Variants in FBN3 observed in about 807,000 individuals in gnomAD.
The protein encoded by FBN3 is fibrillin 3.
In FBN3, 234 loss-of-function variants were observed where a neutral mutation model predicts 330.1. The ratio of observed to expected loss-of-function variants is 0.71; its 90% confidence interval spans 0.64 to 0.79. FBN3 has a LOEUF of 0.79. Ranked by LOEUF, FBN3 falls within the 30% of genes least tolerant of loss-of-function variation. FBN3 has a pLI of 0.00. For missense variants in FBN3, 3,606 were observed against 3,886.9 expected, an observed-to-expected ratio of 0.93 and a Z score of 1.92; for synonymous variants, 1,458 against 1,517.3, an observed-to-expected ratio of 0.96 and a Z score of 0.91.
At chr19:8,095,842 GTTAT>G (rs1237272151) in intron 45 of FBN3, 118 bp downstream of exon 45, 1 of 648,820 alleles carries the variant, frequency 1.5e-6, no homozygotes, top group African/African-American at 1.8e-5. Flanking sequence ...TTAGGAGTAT[GTTAT>G]TTAATTTCTA....
intron 34 of FBN3, among the ~76,000 whole-genome samples, chr19:8,110,114 T>G (rs1051359954): frequency 6.6e-6 from 1 of 152,218 alleles, no homozygotes; most frequent in African/African-American, 2.4e-5. Flanking sequence ...GGAGTGCAGT[T>G]GCACAATCAC....
At position 8,086,462 on chromosome 19, in the gene FBN3, A is replaced by ATT. The variant is rs755200327; in HGVS notation, c.6755-139_6755-138dup. The stretch of plus-strand genomic sequence containing the variant: ...TTTATTTATTTTTATTATTATTATT[A>ATT]TTATTATTTTTTGAGACAGAGTCTC... On this transcript the variant is annotated intron_variant, in intron 54 of 63. Transcript: ENST00000600128. 6.3e-3 allele frequency: 1,751 copies of ATT among 279,304 alleles called. 28 individuals are homozygous for ATT. The highest frequency in any genetic ancestry group is 0.015 in the Middle Eastern group (11 of 736). The allele number at this position is 279,304 out of a possible 1,614,324, so 17.3% of individuals were successfully genotyped here.
chr19:8,147,465 GA>G lies in FBN3; in HGVS notation c.15del (p.Leu6CysfsTer109). 5 of 1,535,424 alleles carry G rather than the reference GA, an allele frequency of 3.3e-6. No homozygotes were observed. The highest frequency in any genetic ancestry group is 3.5e-6 in the Non-Finnish European group (4 of 1,143,270). On this transcript the variant is annotated frameshift_variant, in exon 2 of 64. Coordinates refer to ENST00000600128, the MANE Select transcript of FBN3 (RefSeq NM_032447.5). LOFTEE classifies it high-confidence loss of function. ...GCCAGGGGGCCCCTTGCCAAATACA[GA>G]CCCTCCAGAGTCATGGCGTGTCCCC... MTLE[G>X]LYLARGPLAR...
chr19:8,126,142 C>A, intron 21 of FBN3, 125 bp from the exon 22 acceptor site: 1 of 1,476,444 alleles, frequency 6.8e-7, no homozygotes, highest in Non-Finnish European at 9.3e-7. Context: ...GGACTGGGGA[C>A]TTTCAAGAAG....
chr19:8,083,264 G>C lies in FBN3; in HGVS notation c.7196C>G (p.Thr2399Ser). The C allele has an allele frequency of 6.2e-7, 1 of 1,614,132 alleles. No homozygotes were observed. The highest frequency in any genetic ancestry group is 1.1e-5 in the South Asian group (1 of 91,084). Residue 2399 changes from threonine to serine, a missense_variant, in exon 57 of 64, where the codon ACT becomes AGT. Transcript: ENST00000600128. Reference protein sequence around the residue: ...HCQAGYTPDATATTCLDMDEC... With the variant: ...HCQAGYTPDASATTCLDMDEC... ...GGGCTCACCCAGGCAGGTAGTAGCA[G>C]TAGCATCCGGTGTGTACCCGGCCTG...
intron 32 of FBN3, 69 bp downstream of exon 32, chr19:8,111,579 A>T: frequency 7.3e-7 from 1 of 1,361,030 alleles, no homozygotes; most frequent in African/African-American, 1.4e-5. Flanking sequence ...TGACCATGGC[A>T]GCCACCGTGA....
Position 8,129,462 on chromosome 19 carries a change from C to A in FBN3, c.2045-97G>T. On this transcript the variant is annotated intron_variant, in intron 16 of 63. Transcript: ENST00000600128. The surrounding 1 kb of genome is among the most constrained non-coding windows in gnomAD (Gnocchi z 4.5). The stretch of plus-strand genomic sequence containing the variant: ...CGGCGCACCAGGGGTCTCTAGAAGT[C>A]AGATTCCCCAAGGCCATAGCTCCAG... 6.6e-7 allele frequency: 1 copy of A among 1,509,032 alleles called. No individual in the cohort carries two copies. 93.5% of individuals were successfully genotyped at this position (1,509,032 alleles called of 1,614,324 possible).
intron 62 of FBN3, among the ~76,000 whole-genome samples, chr19:8,072,584 G>A (rs1373650237): frequency 2.0e-5 from 3 of 152,084 alleles, no homozygotes; most frequent in African/African-American, 7.2e-5. Flanking sequence ...GCCTGGGGAT[G>A]TGTGTATAGT....
At chr19:8,089,802 C>G in intron 50 of FBN3, 92 bp downstream of exon 50, 1 of 1,536,516 alleles carries the variant, frequency 6.5e-7, no homozygotes, top group South Asian at 1.2e-5. Context: ...CCCAGGCTCT[C>G]AGGGGGAGCC....
intron 25 of FBN3, among the ~76,000 whole-genome samples, chr19:8,119,469 T>A (rs1177267215): frequency 1.3e-5 from 2 of 152,178 alleles, no homozygotes; most frequent in African/African-American, 4.8e-5. Context: ...TGTTCTCCAG[T>A]GTCTTCACCC....
At position 8,100,891 on chromosome 19, in the gene FBN3, A is replaced by C; in HGVS notation, c.5161+10T>G. 1 of 1,612,220 alleles carries C rather than the reference A, an allele frequency of 6.2e-7. No homozygotes were observed. The highest frequency in any genetic ancestry group is 8.5e-7 in the Non-Finnish European group (1 of 1,178,612). The stretch of plus-strand genomic sequence containing the variant: ...GGTGCCCAGGGATAGAGCAGGGACC[A>C]CTCACTCACCAAGGGGCTTCCCCGT... On this transcript the variant is annotated intron_variant, in intron 41 of 63. Coordinates refer to ENST00000600128, the MANE Select transcript of FBN3 (RefSeq NM_032447.5).
intron 16 of FBN3, among the ~76,000 whole-genome samples, chr19:8,130,012 C>T (rs1352429603): frequency 2.6e-5 from 4 of 151,926 alleles, no homozygotes; most frequent in African/African-American, 9.7e-5. Flanking sequence ...ATTCTCATGA[C>T]TCAGCCCCCC....
At chr19:8,078,264 G>A (rs1171127457) in intron 59 of FBN3, among the ~76,000 whole-genome samples, 1 of 152,164 alleles carries the variant, frequency 6.6e-6, no homozygotes, top group Non-Finnish European at 1.5e-5. Flanking sequence ...TATCAATAAA[G>A]TTTATTGGGA....
intron 13 of FBN3, 25 bp downstream of exon 13, chr19:8,135,936 G>GGGGCCCCCC: frequency 3.0e-6 from 2 of 668,772 alleles, no homozygotes; most frequent in Non-Finnish European, 4.8e-6. Flanking sequence ...GGAAGCCCCT[G>GGGGCCCCCC]CCCACCCGCC....
rs2145076921 is a variant in FBN3, at chr19:8,147,374, G to T, written c.107C>A (p.Ala36Asp). The change falls in exon 2 of 64, where the codon GCC becomes GAC. Residue 36 changes from alanine to aspartate, a missense_variant. Physicochemically the swap from Ala to Asp is moderately radical, Grantham distance 126 (BLOSUM62 -2). Transcript: ENST00000600128. ...MAGGQGRWDGALEAAGPGRVR... is the reference protein window; with the variant it reads ...MAGGQGRWDGDLEAAGPGRVR... ...ACGTCCAGGACCTGCAGCCTCCAAG[G>T]CCCCGTCCCAGCGGCCTTGGCCACC... 2 of 1,601,348 alleles carry T rather than the reference G, an allele frequency of 1.2e-6. No individual in the cohort carries two copies. Among genetic ancestry groups the T allele is most frequent in the Non-Finnish European group, 1.7e-6 (2 of 1,175,794 alleles).
rs777698105 is a variant in FBN3, at chr19:8,131,086, G to A, written c.2044+149C>T. The A allele has an allele frequency of 1.5e-6, 1 of 669,012 alleles. No homozygotes were observed. The highest frequency in any genetic ancestry group is 2.5e-6 in the Non-Finnish European group (1 of 394,032). 41.4% of individuals were successfully genotyped at this position (669,012 alleles called of 1,614,324 possible). On this transcript the variant is annotated intron_variant, in intron 16 of 63. Coordinates refer to ENST00000600128, the MANE Select transcript of FBN3 (RefSeq NM_032447.5). This position sits in a 1 kb window ranked among gnomAD's most constrained non-coding sequence, Gnocchi z 4.5. Reference sequence around the variant, plus strand: ...CGACCTCTGGCCTGCAGGAGTGTGAGAGAATCAGCTTCTGTTGTTGAAGCC... The same window carrying A: ...CGACCTCTGGCCTGCAGGAGTGTGAAAGAATCAGCTTCTGTTGTTGAAGCC...
At chr19:8,133,953 G>A (rs1444970514) in intron 13 of FBN3, among the ~76,000 whole-genome samples, 2 of 151,368 alleles carry the variant, frequency 1.3e-5, no homozygotes, top group Non-Finnish European at 2.9e-5. Flanking sequence ...GTGGCTGGGT[G>A]CGGTGGTTCA....
At position 8,141,929 on chromosome 19, in the gene FBN3, C is replaced by G. The variant is rs1269761405; in HGVS notation, c.739+11G>C. On this transcript the variant is annotated intron_variant, in intron 7 of 63. Transcript: ENST00000600128. Reference sequence around the variant, plus strand: ...TAAGGCCTCCCACTCAGCCCTGACCCCACTATTCACCTTGGCAGGCCCCCG... The same window carrying G: ...TAAGGCCTCCCACTCAGCCCTGACCGCACTATTCACCTTGGCAGGCCCCCG... 1 of 1,614,130 alleles carries G rather than the reference C, an allele frequency of 6.2e-7. No individual in the cohort carries two copies. Among genetic ancestry groups the G allele is most frequent in the Non-Finnish European group, 8.5e-7 (1 of 1,179,966 alleles).
chr19:8,108,291 G>A, intron 36 of FBN3, 53 bp from the exon 37 acceptor site: 2 of 1,430,670 alleles, frequency 1.4e-6, no homozygotes, highest in Non-Finnish European at 1.9e-6. Flanking sequence ...AAAGCTTAGG[G>A]GAAACAGGGG....
Sources: allele counts gnomAD v4.1 joint callset (sites outside exome capture counted in the v4.1 genomes callset), GRCh38; gene constraint gnomAD v4.1.1; non-coding constraint Gnocchi (gnomAD v3.1); transcripts MANE v1.5; gene names NCBI Gene and HGNC (gene_info 2026-07-23, HGNC 2026-07-21).